Variants in SLC16A6 observed in about 807,000 individuals in gnomAD.
SLC16A6 encodes the protein monocarboxylate transporter 7.
A neutral mutation model predicts 33.8 loss-of-function variants in SLC16A6; 15 were observed. That is an observed-to-expected ratio of 0.44 (90% CI 0.30 to 0.68). SLC16A6 has a LOEUF of 0.68. Among genes scored for constraint, SLC16A6 ranks in the 30% least tolerant of loss-of-function variants. The probability of loss-of-function intolerance (pLI) is 0.10; values close to 1 mark genes in which losing one functional copy is unlikely to be tolerated. For synonymous variants in SLC16A6, 219 were observed against 248.4 expected, an observed-to-expected ratio of 0.88 and a Z score of 1.11; for missense variants, 451 against 661.5, an observed-to-expected ratio of 0.68 and a Z score of 3.49.
At chr17:68,287,213 CAGGTGAT>C (rs1433803331) in intron 1 of SLC16A6, among the ~76,000 whole-genome samples, 1 of 152,208 alleles carries the variant, frequency 6.6e-6, no homozygotes, top group Non-Finnish European at 1.5e-5. Context: ...CTCCTAACCT[CAGGTGAT>C]CTGCCTGCTT....
rs143525954 is a variant in SLC16A6 at position 68,272,939 on chromosome 17, C to T, written c.377-172G>A. Among the ~76,000 whole-genome samples, 728 of 151,678 alleles carry T rather than the reference C, an allele frequency of 4.8e-3. 4 individuals are homozygous for T. The highest frequency in any genetic ancestry group is 8.4e-3 in the Non-Finnish European group (574 of 67,948). ...TGCAAAGAAAAATGGGTTTCATTAA[C>T]GGTCTGGATAAACTTCAGTGGTTGT... On this transcript the variant is annotated intron_variant, in intron 3 of 5. Coordinates refer to ENST00000580666, the MANE Select transcript of SLC16A6 (RefSeq NM_004694.5).
chr17:68,270,998 A>C lies in SLC16A6; in HGVS notation c.1162T>G (p.Cys388Gly), dbSNP rs782754469. The C allele has an allele frequency of 6.2e-7, 1 of 1,614,200 alleles. No individual in the cohort carries two copies. The highest frequency in any genetic ancestry group is 8.5e-7 in the Non-Finnish European group (1 of 1,180,042). ...FATEFWGLMS[C>G]SIFFGFMVGT... ...ACCATAAACCCAAAAAATATGCTGCATGACATTAGACCCCAGAATTCAGTA... is the reference window on the plus strand; with the variant it reads ...ACCATAAACCCAAAAAATATGCTGCCTGACATTAGACCCCAGAATTCAGTA... The change falls in exon 5 of 6, where the codon TGC becomes GGC. Residue 388 changes from cysteine to glycine, a missense_variant. Physicochemically the swap from Cys to Gly is radical, Grantham distance 159. Transcript: ENST00000580666.
chr17:68,287,506 G>A (rs1292658453), intron 1 of SLC16A6, among the ~76,000 whole-genome samples: 1 of 152,112 alleles, frequency 6.6e-6, no homozygotes, highest in Non-Finnish European at 1.5e-5. Context: ...CCACTGCTGG[G>A]AAGTTAATTC....
intron 1 of SLC16A6, chr17:68,283,068 A>C (rs1292752766): frequency 6.8e-6 from 1 of 147,560 alleles, no homozygotes; most frequent in African/African-American, 2.5e-5. Flanking sequence ...TTGAGGCGGC[A>C]GTAAGAAGTG....
At position 68,270,784 on chromosome 17, in the gene SLC16A6, G is replaced by A. The variant is rs541736919; in HGVS notation, c.1321+55C>T. 382 of 1,443,478 alleles carry A rather than the reference G, an allele frequency of 2.6e-4. 1 individual carries two copies. The East Asian group carries it at 8.8e-3, about 33-fold the overall frequency. 89.4% of individuals were successfully genotyped at this position (1,443,478 alleles called of 1,614,324 possible). A position where few individuals can be genotyped will look rare whatever the true frequency, so the allele number is the denominator to read the frequency against. On this transcript the variant is annotated intron_variant, in intron 5 of 5. Coordinates refer to ENST00000580666, the MANE Select transcript of SLC16A6 (RefSeq NM_004694.5). ...TTTTTATGGCTTGAACAGGAAGCTAGCACAATTCACAAGGGAAAGTAGACA... is the reference window on the plus strand; with the variant it reads ...TTTTTATGGCTTGAACAGGAAGCTAACACAATTCACAAGGGAAAGTAGACA...
chr17:68,285,007 C>T (rs1230622333), intron 1 of SLC16A6, among the ~76,000 whole-genome samples: 3 of 152,174 alleles, frequency 2.0e-5, no homozygotes, highest in Admixed American at 6.6e-5. Flanking sequence ...GCCAGGTCCT[C>T]GCTTTCACTA....
At chr17:68,286,051 G>A (rs953316301) in intron 1 of SLC16A6, among the ~76,000 whole-genome samples, 15 of 152,244 alleles carry the variant, frequency 9.9e-5, no homozygotes, top group Admixed American at 3.9e-4. Flanking sequence ...GAGCCACCGC[G>A]CCTGGCATAA....
chr17:68,291,064 G>C (rs1247566936), intron 1 of SLC16A6, 22 bp downstream of exon 1: 2 of 152,180 alleles, frequency 1.3e-5, no homozygotes, highest in Non-Finnish European at 2.9e-5. Flanking sequence ...TTTTAAACAT[G>C]TAAAATAATA....
rs1387089005 is a variant in SLC16A6, at chr17:68,278,037, A to G, written c.232+52T>C. The G allele has an allele frequency of 2.3e-6, 3 of 1,293,590 alleles. No individual in the cohort carries two copies. The African/African-American group carries it at 4.5e-5, about 19-fold the overall frequency. 80.1% of individuals were successfully genotyped at this position (1,293,590 alleles called of 1,614,324 possible). On this transcript the variant is annotated intron_variant, in intron 2 of 5. Coordinates refer to ENST00000580666, the MANE Select transcript of SLC16A6 (RefSeq NM_004694.5). ...TCGACTACCATTACCAAGGTAGCCA[A>G]ATTAAAAGGGCCCTATACTTACGTC...
Position 68,271,282 on chromosome 17 carries a change from C to T in SLC16A6, c.878G>A (p.Ser293Asn). 1 of 1,614,198 alleles carries T rather than the reference C, an allele frequency of 6.2e-7. No individual in the cohort carries two copies. The highest frequency in any genetic ancestry group is 8.5e-7 in the Non-Finnish European group (1 of 1,180,028). Residue 293 changes from serine to asparagine, a missense_variant, in exon 5 of 6, where the codon AGT becomes AAT. Ser to Asn is a conservative substitution (Grantham distance 46). Transcript: ENST00000580666. The surrounding 1 kb of genome is among the most constrained non-coding windows in gnomAD (Gnocchi z 5.3). ...ACCAAATAATGCATAACAAATAAAA[C>T]TTTTCTCTTTCAAAATGGAGAAGTC... ...LLDFSILKEK[S>N]FICYALFGLF...
Position 68,272,717 on chromosome 17 carries a change from A to G in SLC16A6, c.427T>C (p.Tyr143His), listed in dbSNP as rs782348011. ...ACTATGGAACGTCTTTTGCCAAAAT[A>G]TTGTGATAGGATGGTTACAGTTGGG... ...FLPTVTILSQYFGKRRSIVTA... is the reference protein window; with the variant it reads ...FLPTVTILSQHFGKRRSIVTA... Residue 143 changes from tyrosine (Y) to histidine (H), a missense_variant, in exon 4 of 6, where the codon TAT (tyrosine) becomes CAT (histidine). Transcript: ENST00000580666. 1 of 1,614,218 alleles carries G rather than the reference A, an allele frequency of 6.2e-7. No homozygotes were observed. The highest frequency in any genetic ancestry group is 8.5e-7 in the Non-Finnish European group (1 of 1,180,004).
intron 1 of SLC16A6, among the ~76,000 whole-genome samples, chr17:68,278,822 G>A (rs2075607885): frequency 6.6e-6 from 1 of 151,918 alleles, no homozygotes; most frequent in Non-Finnish European, 1.5e-5. Context: ...GTTTTGCCAT[G>A]TTGGCCAGGC....
At chr17:68,270,765 T>C in intron 5 of SLC16A6, 74 bp downstream of exon 5, 3 of 1,324,372 alleles carry the variant, frequency 2.3e-6, no homozygotes, top group Non-Finnish European at 3.1e-6. Flanking sequence ...GTTTTTTTTA[T>C]GGCTTGAACA....
At chr17:68,289,876 T>C (rs1052124109) in intron 1 of SLC16A6, among the ~76,000 whole-genome samples, 11 of 152,160 alleles carry the variant, frequency 7.2e-5, no homozygotes, top group Admixed American at 3.3e-4. Flanking sequence ...CTGCATTGTT[T>C]ATTTACACAC....
intron 1 of SLC16A6, among the ~76,000 whole-genome samples, chr17:68,281,383 A>G (rs1226300455): frequency 6.6e-6 from 1 of 152,026 alleles, no homozygotes; most frequent in Non-Finnish European, 1.5e-5. Flanking sequence ...CCTGGCCAAC[A>G]TAGTGAAATC....
In SLC16A6 at chr17:68,271,660, A is replaced by G; in HGVS notation, c.506-6T>C. 1 of 1,609,154 alleles carries G rather than the reference A, an allele frequency of 6.2e-7. No individual in the cohort carries two copies. The highest frequency in any genetic ancestry group is 8.5e-7 in the Non-Finnish European group (1 of 1,176,076). ...CTCCTTCAGAGCCATGATTGCTTGAATAGGCAGGAGTGAAGAAGAAATAAT... is the reference window on the plus strand; with the variant it reads ...CTCCTTCAGAGCCATGATTGCTTGAGTAGGCAGGAGTGAAGAAGAAATAAT... On this transcript the variant is annotated splice_region_variant and splice_polypyrimidine_tract_variant and intron_variant, in intron 4 of 5. Transcript: ENST00000580666. The surrounding 1 kb of genome is among the most constrained non-coding windows in gnomAD (Gnocchi z 5.3).
chr17:68,270,750 AG>A (rs1282577743), intron 5 of SLC16A6, 88 bp downstream of exon 5: 5 of 1,135,974 alleles, frequency 4.4e-6, no homozygotes, highest in Non-Finnish European at 6.2e-6. Context: ...ATAAAACGGC[AG>A]TAAGTTTTTT....
At position 68,271,583 on chromosome 17, in the gene SLC16A6, T is replaced by C. The variant is rs144470811; in HGVS notation, c.577A>G (p.Ile193Val). 3.5e-4 allele frequency: 567 copies of C among 1,614,202 alleles called. 3 individuals carry two copies. The Middle Eastern group carries it at 9.7e-3, about 28-fold the overall frequency. ...CTGAGCAGTGCTCCGAAGATGACAA[T>C]GTTTAACTGTAGTAGGCCCACGAAG... ...LLFVGLLQLN[I>V]VIFGALLRPI... Residue 193 changes from isoleucine (I) to valine (V), a missense_variant, in exon 5 of 6, where the codon ATT becomes GTT. This residue lies in a region of SLC16A6 where 405 missense variants were observed against 510.7 expected (regional missense o/e 0.79). Coordinates refer to ENST00000580666, the MANE Select transcript of SLC16A6 (RefSeq NM_004694.5). The surrounding 1 kb of genome is among the most constrained non-coding windows in gnomAD (Gnocchi z 5.3).
In SLC16A6 at chr17:68,269,368, G is replaced by A. The variant is rs782644329; in HGVS notation, c.1322-22C>T. 39 of 1,031,246 alleles carry A rather than the reference G, an allele frequency of 3.8e-5. 4 individuals are homozygous for A. In the Admixed American group the frequency reaches 8.2e-4, roughly 22 times the overall value. The allele number at this position is 1,031,246 out of a possible 1,614,324, so 63.9% of individuals were successfully genotyped here. Reference sequence around the variant, plus strand: ...AAACCTGGAAGAGAGCATGGCGTCCGTTAACAGCATCCTTCCTAGACATAA... The same window carrying A: ...AAACCTGGAAGAGAGCATGGCGTCCATTAACAGCATCCTTCCTAGACATAA... On this transcript the variant is annotated intron_variant, in intron 5 of 5. Coordinates refer to ENST00000580666, the MANE Select transcript of SLC16A6 (RefSeq NM_004694.5).
Sources: allele counts gnomAD v4.1 joint callset (sites outside exome capture counted in the v4.1 genomes callset), GRCh38; gene constraint gnomAD v4.1.1; regional missense constraint gnomAD v4.1.1; non-coding constraint Gnocchi (gnomAD v3.1); transcripts MANE v1.5; gene names NCBI Gene and HGNC (gene_info 2026-07-23, HGNC 2026-07-21).